Variants in THSD7B observed in about 807,000 individuals in gnomAD.
THSD7B encodes the protein thrombospondin type-1 domain-containing protein 7B.
In THSD7B, 138 loss-of-function variants were observed where a neutral mutation model predicts 213.6. The observed-to-expected ratio is 0.65, with a 90% CI of 0.56 to 0.74. THSD7B has a LOEUF of 0.74. Among genes scored for constraint, THSD7B ranks in the 30% least tolerant of loss-of-function variants. The pLI is 0.00. For missense variants in THSD7B, 1,931 were observed against 1,991.5 expected (o/e 0.97, Z 0.58); for synonymous variants, 742 against 687.0 (o/e 1.08, Z -1.25).
At chr2:136,766,004 G>C (rs1681383308) in intron 1 of THSD7B, among the ~76,000 whole-genome samples, 1 of 152,226 alleles carries the variant, frequency 6.6e-6, no homozygotes, top group Non-Finnish European at 1.5e-5. Context: ...ACCGAACCTT[G>C]GGACCCGGGC....
chr2:137,401,529 A>C (rs1161323452), intron 12 of THSD7B, among the ~76,000 whole-genome samples: 1 of 152,134 alleles, frequency 6.6e-6, no homozygotes, highest in East Asian at 1.9e-4. Flanking sequence ...ATCTTTTCAC[A>C]CTTGAAAATA....
intron 21 of THSD7B, among the ~76,000 whole-genome samples, chr2:137,648,191 G>A (rs1435737322): frequency 6.6e-6 from 1 of 152,008 alleles, no homozygotes; most frequent in East Asian, 1.9e-4. Flanking sequence ...GTGTAATTGG[G>A]ATATCCATTA....
rs1403774980 is a variant in THSD7B, at chr2:137,056,723, A to C, written c.443A>C (p.Lys148Thr). ...CACCGGATGGTGCGCTGCATTCAGA[A>C]GCTGAACCGAACTGTGGTTGCAAAT... ...LQHRMVRCIQ[K>T]LNRTVVANEI... Residue 148 changes from lysine (K) to threonine (T), a missense_variant, in exon 3 of 28, where the codon AAG (lysine) becomes ACG (threonine). Transcript: ENST00000409968. 1 of 1,613,996 alleles carries C rather than the reference A, an allele frequency of 6.2e-7. No individual in the cohort carries two copies. The highest frequency in any genetic ancestry group is 8.5e-7 in the Non-Finnish European group (1 of 1,179,882).
At chr2:137,073,645 C>T (rs539811273) in intron 3 of THSD7B, among the ~76,000 whole-genome samples, 1 of 152,088 alleles carries the variant, frequency 6.6e-6, no homozygotes, top group Non-Finnish European at 1.5e-5. Context: ...TCTGTTTGCT[C>T]TTGCTTCTCT....
chr2:137,138,272 T>A (rs769920182), intron 5 of THSD7B, among the ~76,000 whole-genome samples: 26 of 152,052 alleles, frequency 1.7e-4, no homozygotes, highest in Non-Finnish European at 2.2e-4. Context: ...CACTGGATAA[T>A]AGTTTGATAG....
At chr2:137,445,195 A>G (rs762264410) in intron 14 of THSD7B, among the ~76,000 whole-genome samples, 1 of 152,076 alleles carries the variant, frequency 6.6e-6, no homozygotes, top group African/African-American at 2.4e-5. Flanking sequence ...GAAAAACAGT[A>G]TGGAGATTTC....
At chr2:136,962,205 C>A (rs1261191541) in intron 2 of THSD7B, among the ~76,000 whole-genome samples, 1 of 152,096 alleles carries the variant, frequency 6.6e-6, no homozygotes, top group African/African-American at 2.4e-5. Flanking sequence ...CTGAAAAAAG[C>A]AAGGACACAG....
At chr2:137,086,062 G>T (rs1687835471) in intron 3 of THSD7B, among the ~76,000 whole-genome samples, 1 of 152,118 alleles carries the variant, frequency 6.6e-6, no homozygotes, top group South Asian at 2.1e-4. Flanking sequence ...AAGTCTAAAA[G>T]TTGGCTGGGT....
chr2:136,943,397 A>C lies in THSD7B; in HGVS notation c.139+61080A>C, dbSNP rs868039091. Among the ~76,000 whole-genome samples the C allele has an allele frequency of 2.0e-5, 3 of 152,210 alleles. No individual in the cohort carries two copies. The South Asian group carries it at 6.2e-4, about 32-fold the overall frequency. On this transcript the variant is annotated intron_variant, in intron 2 of 27. Transcript: ENST00000409968. ...TATCAGGATGATGGCTAGCCTCATA[A>C]AATGAGTTAGGGAGGATTCCCTCTT...
intron 2 of THSD7B, among the ~76,000 whole-genome samples, chr2:136,897,362 G>A (rs571153784): frequency 7.2e-5 from 11 of 152,030 alleles, no homozygotes; most frequent in African/African-American, 1.7e-4. Flanking sequence ...TGGTGGGCTC[G>A]TGGTCTCGCT....
At chr2:137,380,878 G>A (rs1388134095) in intron 12 of THSD7B, among the ~76,000 whole-genome samples, 1 of 152,238 alleles carries the variant, frequency 6.6e-6, no homozygotes, top group Non-Finnish European at 1.5e-5. Flanking sequence ...TTGGCTTAGA[G>A]CCACTATTGT....
chr2:137,604,215 A>G (rs2104826282), intron 17 of THSD7B, among the ~76,000 whole-genome samples: 1 of 152,310 alleles, frequency 6.6e-6, no homozygotes, highest in East Asian at 1.9e-4. Flanking sequence ...GTTTTCTTCA[A>G]GAAGTATAAA....
intron 15 of THSD7B, among the ~76,000 whole-genome samples, chr2:137,490,935 T>C (rs1272900733): frequency 6.6e-6 from 1 of 152,234 alleles, no homozygotes; most frequent in Non-Finnish European, 1.5e-5. Context: ...TATCCAAACA[T>C]GGTTTTTCGA....
chr2:137,187,797 A>G (rs1252557117), intron 7 of THSD7B, among the ~76,000 whole-genome samples: 1 of 152,194 alleles, frequency 6.6e-6, no homozygotes, highest in African/African-American at 2.4e-5. Flanking sequence ...CCTTTGCTGT[A>G]TATAGTATAT....
chr2:137,600,891 G>A (rs915696341), intron 17 of THSD7B, among the ~76,000 whole-genome samples: 1 of 152,104 alleles, frequency 6.6e-6, no homozygotes, highest in African/African-American at 2.4e-5. Flanking sequence ...AAGACAGGGA[G>A]GTGGAAGACA....
At chr2:136,821,460 C>T (rs1489184388) in intron 1 of THSD7B, among the ~76,000 whole-genome samples, 3 of 152,226 alleles carry the variant, frequency 2.0e-5, no homozygotes, top group African/African-American at 7.2e-5. Flanking sequence ...GAACTGCTTC[C>T]TTCCCCTTCC....
intron 12 of THSD7B, among the ~76,000 whole-genome samples, chr2:137,359,510 G>T (rs559399616): frequency 6.6e-6 from 1 of 152,156 alleles, no homozygotes; most frequent in Non-Finnish European, 1.5e-5. Flanking sequence ...TACCAAGAGG[G>T]GTATGGGGTG....
chr2:137,486,659 G>T (rs1688452429), intron 15 of THSD7B, among the ~76,000 whole-genome samples: 1 of 151,650 alleles, frequency 6.6e-6, no homozygotes. Flanking sequence ...GACATCTACA[G>T]AACTCTCCAC....
intron 12 of THSD7B, among the ~76,000 whole-genome samples, chr2:137,375,118 T>A (rs1480110784): frequency 6.6e-6 from 1 of 152,182 alleles, no homozygotes; most frequent in East Asian, 1.9e-4. Context: ...CAGTACTACC[T>A]CAAAGTAGTC....
Sources: allele counts gnomAD v4.1 joint callset (sites outside exome capture counted in the v4.1 genomes callset), GRCh38; gene constraint gnomAD v4.1.1; transcripts MANE v1.5; gene names NCBI Gene and HGNC (gene_info 2026-07-23, HGNC 2026-07-21).